METTL16: variants seen among roughly 807,000 people sequenced by gnomAD.
METTL16 encodes the protein RNA N(6)-adenosine-methyltransferase METTL16.
In METTL16, 19 loss-of-function variants were observed where a neutral mutation model predicts 57.9. The ratio of observed to expected loss-of-function variants is 0.33; its 90% CI spans 0.23 to 0.48. The LOEUF is 0.48. METTL16 is among the 20% of genes least tolerant of loss of function. The pLI is 0.99. For synonymous variants in METTL16, 246 were observed against 255.6 expected (o/e 0.96, Z 0.36); for missense variants, 434 against 691.5 (o/e 0.63, Z 4.18).
At chr17:2,463,325 T>A (rs2067164192) in intron 6 of METTL16, among the ~76,000 whole-genome samples, 1 of 152,250 alleles carries the variant, frequency 6.6e-6, no homozygotes, top group Admixed American at 6.5e-5. Context: ...AATACAATCA[T>A]GCGGTATTTT....
At chr17:2,464,862 G>A (rs1237962386) in intron 5 of METTL16, among the ~76,000 whole-genome samples, 1 of 152,076 alleles carries the variant, frequency 6.6e-6, no homozygotes, top group Non-Finnish European at 1.5e-5. Context: ...TCATGAGCTT[G>A]GATTAGGCAA....
At chr17:2,455,145 A>G (rs1463680299) in intron 6 of METTL16, 8 of 165,944 alleles carry the variant, frequency 4.8e-5, no homozygotes, top group South Asian at 1.2e-4. Flanking sequence ...CTGGAGTGCA[A>G]TGGCGTTATC....
At chr17:2,474,401 A>G (rs9894726) in intron 3 of METTL16, among the ~76,000 whole-genome samples, 7 of 151,262 alleles carry the variant, frequency 4.6e-5, no homozygotes, top group African/African-American at 1.7e-4. Context: ...AAAAAAAAAA[A>G]AAAAAAGCTA....
intron 7 of METTL16, 23 bp from the exon 8 acceptor site, chr17:2,438,221 C>T (rs923702417): frequency 1.3e-6 from 2 of 1,525,772 alleles, no homozygotes; most frequent in Admixed American, 3.3e-5. Flanking sequence ...AAGACAGCAT[C>T]TCATCAAACT....
chr17:2,464,083 A>C, intron 6 of METTL16, 125 bp downstream of exon 6: 1 of 983,980 alleles, frequency 1.0e-6, no homozygotes, highest in Non-Finnish European at 1.5e-6. Context: ...AGATCACGCC[A>C]CTGCACTCCA....
intron 4 of METTL16, among the ~76,000 whole-genome samples, chr17:2,469,574 A>G (rs780990314): frequency 1.4e-5 from 2 of 147,022 alleles, no homozygotes; most frequent in Non-Finnish European, 3.0e-5. Flanking sequence ...AACAGGATAG[A>G]GTGCAGCGGC....
intron 6 of METTL16, among the ~76,000 whole-genome samples, chr17:2,446,322 T>G (rs997459038): frequency 9.2e-5 from 14 of 152,066 alleles, no homozygotes; most frequent in Non-Finnish European, 1.8e-4. Flanking sequence ...GAAAAAGAAA[T>G]AAAATGCATA....
intron 6 of METTL16, among the ~76,000 whole-genome samples, chr17:2,463,529 T>A (rs572549135): frequency 1.4e-4 from 21 of 152,274 alleles, no homozygotes; most frequent in Non-Finnish European, 2.9e-4. Flanking sequence ...TGGCATGATC[T>A]CGGCTCACTG....
intron 4 of METTL16, among the ~76,000 whole-genome samples, chr17:2,470,574 T>A (rs1597459691): frequency 6.6e-6 from 1 of 152,142 alleles, no homozygotes; most frequent in East Asian, 1.9e-4. Flanking sequence ...TTTGGGAGGC[T>A]GAGGCCAGAA....
At chr17:2,473,742 T>C in intron 3 of METTL16, 78 bp from the exon 4 acceptor site, 2 of 1,450,192 alleles carry the variant, frequency 1.4e-6, no homozygotes, top group Non-Finnish European at 1.9e-6. Context: ...ACCATTCTTC[T>C]CAGAATTCTG....
intron 7 of METTL16, among the ~76,000 whole-genome samples, chr17:2,440,602 C>T (rs1301839001): frequency 6.6e-6 from 1 of 151,274 alleles, no homozygotes; most frequent in African/African-American, 2.4e-5. Flanking sequence ...TGAAAAAAAA[C>T]CTCAAGATGG....
At chr17:2,498,959 G>A (rs2067467048) in intron 2 of METTL16, among the ~76,000 whole-genome samples, 1 of 151,586 alleles carries the variant, frequency 6.6e-6, no homozygotes, top group Non-Finnish European at 1.5e-5. Flanking sequence ...CTTTGCACAT[G>A]CTGCTGCCTC....
At chr17:2,490,556 A>G (rs1390698184) in intron 2 of METTL16, among the ~76,000 whole-genome samples, 1 of 152,216 alleles carries the variant, frequency 6.6e-6, no homozygotes, top group Non-Finnish European at 1.5e-5. Flanking sequence ...ACCATTATAA[A>G]TGTAGTTAGG....
chr17:2,471,484 C>T (rs982448036), intron 4 of METTL16, among the ~76,000 whole-genome samples: 2 of 152,126 alleles, frequency 1.3e-5, no homozygotes, highest in African/African-American at 4.8e-5. Flanking sequence ...TACTGTATAC[C>T]ATTCCTTAAA....
intron 2 of METTL16, among the ~76,000 whole-genome samples, chr17:2,491,665 G>A (rs1457609320): frequency 6.6e-6 from 1 of 151,944 alleles, no homozygotes; most frequent in African/African-American, 2.4e-5. Flanking sequence ...CACGAGGTCA[G>A]GAGATGGAGA....
At chr17:2,455,828 C>G (rs1014753743) in intron 6 of METTL16, among the ~76,000 whole-genome samples, 6 of 151,840 alleles carry the variant, frequency 4.0e-5, no homozygotes, top group Admixed American at 3.9e-4. Flanking sequence ...CAAAAAAATG[C>G]AAAAATTGGC....
At chr17:2,459,014 C>A (rs2064187357) in intron 6 of METTL16, among the ~76,000 whole-genome samples, 1 of 151,712 alleles carries the variant, frequency 6.6e-6, no homozygotes, top group Non-Finnish European at 1.5e-5. Context: ...GCCATGTGGC[C>A]CAGGCTGGTC....
chr17:2,487,194 GGCGGTGC>G (rs1371327672), intron 2 of METTL16, among the ~76,000 whole-genome samples: 12 of 152,134 alleles, frequency 7.9e-5, no homozygotes, highest in Admixed American at 7.9e-4. Flanking sequence ...CAACAGGATA[GGCGGTGC>G]CACCCTAACT....
intron 2 of METTL16, among the ~76,000 whole-genome samples, chr17:2,490,279 T>G (rs2067377636): frequency 6.6e-6 from 1 of 152,096 alleles, no homozygotes; most frequent in Non-Finnish European, 1.5e-5. Flanking sequence ...TTCATACAAG[T>G]GTATGTGGAT....
Sources: allele counts gnomAD v4.1 joint callset (sites outside exome capture counted in the v4.1 genomes callset), GRCh38; gene constraint gnomAD v4.1.1; transcripts MANE v1.5; gene names NCBI Gene and HGNC (gene_info 2026-07-23, HGNC 2026-07-21).